The following CDH8 variants were observed in gnomAD, a reference collection of about 807,000 sequenced individuals.
CDH8 encodes cadherin 8.
Under a neutral mutation model 68.1 loss-of-function variants are expected in CDH8, and 17 were observed. The ratio of observed to expected loss-of-function variants is 0.25; its 90% CI spans 0.17 to 0.37. The LOEUF (loss-of-function observed/expected upper bound fraction) is 0.37. Among genes scored for constraint, CDH8 ranks in the 10% least tolerant of loss-of-function variants. CDH8 has a pLI of 1.00. For synonymous variants in CDH8, 372 were observed against 365.1 expected, an observed-to-expected ratio of 1.02 and a Z score of -0.21; for missense variants, 763 against 999.3, an observed-to-expected ratio of 0.76 and a Z score of 3.19.
intron 3 of CDH8, among the ~76,000 whole-genome samples, chr16:61,867,384 G>C (rs2143022762): frequency 6.6e-6 from 1 of 152,180 alleles, no homozygotes; most frequent in East Asian, 1.9e-4. Flanking sequence ...CAGTAGGAGA[G>C]CCAAAATGGA....
At chr16:61,837,014 T>G (rs1567493195) in intron 4 of CDH8, among the ~76,000 whole-genome samples, 1 of 151,978 alleles carries the variant, frequency 6.6e-6, no homozygotes, top group East Asian at 1.9e-4. Flanking sequence ...ACCCTTTTGT[T>G]GCATTCCACA....
intron 8 of CDH8, among the ~76,000 whole-genome samples, chr16:61,763,518 G>GTTGGGAGC (rs1365504383): frequency 1.3e-5 from 2 of 152,118 alleles, no homozygotes; most frequent in Non-Finnish European, 2.9e-5. Context: ...AAATAATACT[G>GTTGGGAGC]TTGGGAGCTA....
chr16:61,844,200 C>T (rs1249495919), intron 4 of CDH8, among the ~76,000 whole-genome samples: 1 of 146,796 alleles, frequency 6.8e-6, no homozygotes, highest in Admixed American at 7.1e-5. Context: ...ACTGCATGTT[C>T]TCACTCATAG....
At chr16:61,818,169 G>C (rs990654160) in intron 6 of CDH8, 1 of 159,472 alleles carries the variant, frequency 6.3e-6, no homozygotes, top group Non-Finnish European at 1.4e-5. Flanking sequence ...AACAGAGTGT[G>C]AAATGTAAAG....
chr16:61,903,015 T>C (rs1162002306), intron 2 of CDH8, among the ~76,000 whole-genome samples: 2 of 152,180 alleles, frequency 1.3e-5, no homozygotes, highest in Non-Finnish European at 2.9e-5. Flanking sequence ...TTAGCATTTT[T>C]ATTAAAAAAA....
At chr16:61,832,568 A>G (rs1379873148) in intron 4 of CDH8, among the ~76,000 whole-genome samples, 3 of 151,810 alleles carry the variant, frequency 2.0e-5, no homozygotes, top group African/African-American at 7.2e-5. Flanking sequence ...CATTTTGACC[A>G]GTACTTTTTA....
At chr16:61,736,829 C>G (rs936627379) in intron 8 of CDH8, among the ~76,000 whole-genome samples, 5 of 151,988 alleles carry the variant, frequency 3.3e-5, no homozygotes, top group Non-Finnish European at 5.9e-5. Flanking sequence ...AAAATGTTTG[C>G]CTTTCATCTG....
intron 2 of CDH8, among the ~76,000 whole-genome samples, chr16:62,014,852 T>C (rs143177574): frequency 6.6e-6 from 1 of 151,550 alleles, no homozygotes; most frequent in East Asian, 1.9e-4. Context: ...GAAGTTTATG[T>C]AAGAGAGAGG....
At chr16:61,698,273 G>A (rs184790792) in intron 10 of CDH8, among the ~76,000 whole-genome samples, 9 of 152,260 alleles carry the variant, frequency 5.9e-5, no homozygotes, top group Admixed American at 2.6e-4. Context: ...TAAGAGAAGC[G>A]TAAGGTTGAG....
At position 61,770,329 on chromosome 16, in the gene CDH8, G is replaced by C. The variant is rs965826202; in HGVS notation, c.1414+19017C>G. 2.6e-5 allele frequency among the ~76,000 whole-genome samples: 4 copies of C among 151,836 alleles called. No homozygotes were observed. In the East Asian group the frequency reaches 5.8e-4, roughly 22 times the overall value. On this transcript the variant is annotated intron_variant, in intron 8 of 11. Coordinates refer to ENST00000577390, the MANE Select transcript of CDH8 (RefSeq NM_001796.5). ...ATTGAACCAATAGAGAGCATGAAAG[G>C]GCAAGTGTATGTACCACTCTTTTTG...
Position 61,727,182 on chromosome 16 carries a change from G to A in CDH8, c.1448C>T (p.Ala483Val). The change falls in exon 9 of 12, where the codon GCT (alanine) becomes GTT (valine). Residue 483 changes from alanine to valine, a missense_variant. Transcript: ENST00000577390. ...GTCATTGACATCCAGCACTTTAATA[G>A]CAACAGGTACTCGTGATATCTGACT... ...NHSQISRVPV[A>V]IKVLDVNDNA... is the part of the protein sequence containing the mutation. 1.2e-6 allele frequency: 2 copies of A among 1,609,624 alleles called. No individual in the cohort carries two copies. Among genetic ancestry groups the A allele is most frequent in the Non-Finnish European group, 1.7e-6 (2 of 1,177,086 alleles).
At chr16:61,733,726 TG>T (rs1312081323) in intron 8 of CDH8, among the ~76,000 whole-genome samples, 5 of 151,922 alleles carry the variant, frequency 3.3e-5, no homozygotes, top group Non-Finnish European at 7.4e-5. Context: ...TTAATTTTTT[TG>T]TCCAGTATAA....
At chr16:61,792,430 G>T (rs1056150178) in intron 7 of CDH8, among the ~76,000 whole-genome samples, 1 of 151,902 alleles carries the variant, frequency 6.6e-6, no homozygotes, top group Non-Finnish European at 1.5e-5. Flanking sequence ...TTGCCTAGTA[G>T]ACTTTATGAT....
At chr16:61,774,270 TC>T (rs1960851594) in intron 8 of CDH8, among the ~76,000 whole-genome samples, 1 of 151,336 alleles carries the variant, frequency 6.6e-6, no homozygotes, top group South Asian at 2.1e-4. Context: ...GAAGCCAGAG[TC>T]CTTAGGGAAA....
rs982214346 is a variant in CDH8 at position 61,782,461 on chromosome 16, G to T, written c.1414+6885C>A. Among the ~76,000 whole-genome samples, 129 of 151,976 alleles carry T rather than the reference G, an allele frequency of 8.5e-4. 1 individual carries two copies. The highest frequency in any genetic ancestry group is 3.1e-3 in the South Asian group (15 of 4,814). ...CTACGCCCACGGAGTCTCGCTGATTGCTAGCACAGCAGTCTGAGATCAAAC... is the reference window on the plus strand; with the variant it reads ...CTACGCCCACGGAGTCTCGCTGATTTCTAGCACAGCAGTCTGAGATCAAAC... On this transcript the variant is annotated intron_variant, in intron 8 of 11. Transcript: ENST00000577390.
intron 4 of CDH8, among the ~76,000 whole-genome samples, chr16:61,849,442 G>A (rs1056681528): frequency 1.3e-5 from 2 of 152,122 alleles, no homozygotes; most frequent in African/African-American, 4.8e-5. Context: ...AATATTTACA[G>A]GGAGAACTCC....
intron 3 of CDH8, among the ~76,000 whole-genome samples, chr16:61,885,098 G>A (rs920468657): frequency 1.3e-5 from 2 of 152,170 alleles, no homozygotes; most frequent in Admixed American, 6.5e-5. Context: ...CCTGTCTGGG[G>A]TGTTGAAATA....
intron 3 of CDH8, among the ~76,000 whole-genome samples, chr16:61,878,300 G>A (rs1358800091): frequency 6.6e-6 from 1 of 152,174 alleles, no homozygotes; most frequent in Non-Finnish European, 1.5e-5. Flanking sequence ...AGTCTGATGT[G>A]AGTGAATGAG....
rs144334048 is a variant in CDH8 at position 61,923,260 on chromosome 16, C to T, written c.253-21787G>A. 5.0e-3 allele frequency among the ~76,000 whole-genome samples: 767 copies of T among 152,278 alleles called. 6 individuals are homozygous for T. The highest frequency in any genetic ancestry group is 0.017 in the African/African-American group (726 of 41,560). On this transcript the variant is annotated intron_variant, in intron 2 of 11. Coordinates refer to ENST00000577390, the MANE Select transcript of CDH8 (RefSeq NM_001796.5). Reference sequence around the variant, plus strand: ...TTGAGGATTAGAACACAGGCGTCTTCATTCCAAATTCAACTCCTTTCATTC... The same window carrying T: ...TTGAGGATTAGAACACAGGCGTCTTTATTCCAAATTCAACTCCTTTCATTC...
Sources: allele counts gnomAD v4.1 joint callset (sites outside exome capture counted in the v4.1 genomes callset), GRCh38; gene constraint gnomAD v4.1.1; transcripts MANE v1.5; gene names NCBI Gene and HGNC (gene_info 2026-07-23, HGNC 2026-07-21).